Variants in SGMS1 observed in about 807,000 individuals in gnomAD.
SGMS1 encodes sphingomyelin synthase 1, also known as phosphatidylcholine:ceramide cholinephosphotransferase 1.
Under a neutral mutation model 46.2 loss-of-function variants are expected in SGMS1, and 13 were observed. That is an observed-to-expected ratio of 0.28 (90% CI 0.18 to 0.45). SGMS1 has a LOEUF of 0.45. Among genes scored for constraint, SGMS1 ranks in the 20% least tolerant of loss-of-function variants. The pLI is 1.00. For missense variants in SGMS1, 324 were observed against 519.9 expected (o/e 0.62, Z 3.66); for synonymous variants, 203 against 187.8 (o/e 1.08, Z -0.66).
At chr10:50,523,981 G>A (rs1837877592) in intron 2 of SGMS1, among the ~76,000 whole-genome samples, 1 of 152,146 alleles carries the variant, frequency 6.6e-6, no homozygotes, top group Non-Finnish European at 1.5e-5. Flanking sequence ...TACTTCTTGG[G>A]CAGAATTTCT....
chr10:50,311,144 C>G lies in SGMS1; in HGVS notation c.895+118G>C, dbSNP rs537307716. The G allele has an allele frequency of 6.6e-5, 81 of 1,225,902 alleles. No homozygotes were observed. In the South Asian group the frequency reaches 1.2e-3, roughly 18 times the overall value. 75.9% of individuals were successfully genotyped at this position (1,225,902 alleles called of 1,614,324 possible). A position where few individuals can be genotyped will look rare whatever the true frequency, so the allele number is the denominator to read the frequency against. On this transcript the variant is annotated intron_variant, in intron 9 of 10. Transcript: ENST00000361781. ...ATGGCGATGAGATGAAGCTGCAAGC[C>G]TCCTGAAGCCTCCAGTCTTGCTTCA...
At chr10:50,578,624 A>G (rs1206405386) in intron 2 of SGMS1, among the ~76,000 whole-genome samples, 1 of 152,222 alleles carries the variant, frequency 6.6e-6, no homozygotes, top group African/African-American at 2.4e-5. Context: ...AAAAAATAAT[A>G]GAACACCAAG....
chr10:50,473,151 A>T (rs1167482976), intron 3 of SGMS1, among the ~76,000 whole-genome samples: 2 of 141,664 alleles, frequency 1.4e-5, no homozygotes, highest in South Asian at 2.1e-4. Flanking sequence ...GTTAATGCTT[A>T]AAAAAAAATA....
At chr10:50,312,170 C>G (rs1423558416) in intron 8 of SGMS1, among the ~76,000 whole-genome samples, 1 of 151,902 alleles carries the variant, frequency 6.6e-6, no homozygotes, top group African/African-American at 2.4e-5. Flanking sequence ...TTACCATGAT[C>G]CAATTTAATT....
chr10:50,596,590 G>C (rs1402134743), intron 1 of SGMS1, among the ~76,000 whole-genome samples: 1 of 152,206 alleles, frequency 6.6e-6, no homozygotes, highest in Non-Finnish European at 1.5e-5. Flanking sequence ...AAACATTGGA[G>C]CTGGAATGGA....
intron 6 of SGMS1, among the ~76,000 whole-genome samples, chr10:50,426,012 ACAT>A (rs1849321385): frequency 6.6e-6 from 1 of 152,246 alleles, no homozygotes; most frequent in Non-Finnish European, 1.5e-5. Flanking sequence ...ATCTAAACAT[ACAT>A]CACCAGGATA....
chr10:50,565,898 A>G (rs1158229371), intron 2 of SGMS1, among the ~76,000 whole-genome samples: 5 of 152,230 alleles, frequency 3.3e-5, no homozygotes. Context: ...CAACATAAGG[A>G]GACAGAGACA....
At chr10:50,475,694 C>T (rs1488848588) in intron 3 of SGMS1, among the ~76,000 whole-genome samples, 1 of 152,012 alleles carries the variant, frequency 6.6e-6, no homozygotes, top group African/African-American at 2.4e-5. Context: ...TAGCAACGTC[C>T]CCCTAGTGCA....
intron 7 of SGMS1, among the ~76,000 whole-genome samples, chr10:50,334,278 T>C (rs190119698): frequency 6.6e-5 from 10 of 152,358 alleles, no homozygotes; most frequent in African/African-American, 2.2e-4. Context: ...TCTGTGTTGG[T>C]ATTTTAGGCT....
At chr10:50,340,840 T>C (rs886412976) in intron 7 of SGMS1, among the ~76,000 whole-genome samples, 1 of 152,244 alleles carries the variant, frequency 6.6e-6, no homozygotes, top group African/African-American at 2.4e-5. Flanking sequence ...AGTGATCCTC[T>C]AGTTCCATCC....
At chr10:50,480,840 C>A (rs1003560033) in intron 3 of SGMS1, among the ~76,000 whole-genome samples, 3 of 152,168 alleles carry the variant, frequency 2.0e-5, no homozygotes, top group African/African-American at 7.2e-5. Flanking sequence ...GCTAAAGAGA[C>A]TGGGCAGTTT....
intron 6 of SGMS1, among the ~76,000 whole-genome samples, chr10:50,393,127 C>T (rs1848799298): frequency 6.6e-6 from 1 of 152,088 alleles, no homozygotes; most frequent in Non-Finnish European, 1.5e-5. Flanking sequence ...CACCAAGTCT[C>T]ACACATACAC....
intron 3 of SGMS1, among the ~76,000 whole-genome samples, chr10:50,473,593 G>A (rs1422573627): frequency 6.6e-6 from 1 of 152,066 alleles, no homozygotes; most frequent in Non-Finnish European, 1.5e-5. Context: ...AAAAAACTTC[G>A]AGTTTACTCC....
intron 3 of SGMS1, among the ~76,000 whole-genome samples, chr10:50,476,526 A>C (rs765014312): frequency 6.6e-6 from 1 of 152,222 alleles, no homozygotes; most frequent in Non-Finnish European, 1.5e-5. Context: ...AGCTGCAGAA[A>C]TTTGTGTAAG....
At chr10:50,328,571 C>T (rs1258148447) in intron 7 of SGMS1, among the ~76,000 whole-genome samples, 1 of 152,182 alleles carries the variant, frequency 6.6e-6, no homozygotes, top group Non-Finnish European at 1.5e-5. Context: ...TACAATTATA[C>T]TAGCATTTTA....
intron 6 of SGMS1, among the ~76,000 whole-genome samples, chr10:50,385,673 T>C (rs1848672560): frequency 1.3e-5 from 2 of 152,104 alleles, no homozygotes; most frequent in South Asian, 4.1e-4. Context: ...AAAAGGTGAC[T>C]TAGGGGCATG....
At chr10:50,349,165 G>A (rs2133375182) in intron 6 of SGMS1, among the ~76,000 whole-genome samples, 1 of 152,246 alleles carries the variant, frequency 6.6e-6, no homozygotes, top group Admixed American at 6.5e-5. Context: ...TTAACTAACT[G>A]GGACAACAAA....
At chr10:50,353,617 G>A (rs908055882) in intron 6 of SGMS1, among the ~76,000 whole-genome samples, 18 of 152,282 alleles carry the variant, frequency 1.2e-4, no homozygotes, top group Non-Finnish European at 1.9e-4. Context: ...GGAAATAAAG[G>A]GTATTCAATT....
At chr10:50,411,026 T>C (rs139751941) in intron 6 of SGMS1, among the ~76,000 whole-genome samples, 31 of 152,332 alleles carry the variant, frequency 2.0e-4, no homozygotes, top group African/African-American at 7.2e-4. Flanking sequence ...AGGTCTTTCT[T>C]TCCAAATTGA....
Sources: allele counts gnomAD v4.1 joint callset (sites outside exome capture counted in the v4.1 genomes callset), GRCh38; gene constraint gnomAD v4.1.1; transcripts MANE v1.5; gene names NCBI Gene and HGNC (gene_info 2026-07-23, HGNC 2026-07-21).